SHISA9: variants seen among roughly 807,000 people sequenced by gnomAD.
The protein encoded by SHISA9 is shisa family member 9.
In SHISA9, 13 loss-of-function variants were observed where a neutral mutation model predicts 38.0. That is an observed-to-expected ratio of 0.34 (90% confidence interval 0.22 to 0.54). SHISA9 has a LOEUF of 0.54. Among genes scored for constraint, SHISA9 ranks in the 20% least tolerant of loss-of-function variants. SHISA9 has a pLI of 0.91. For missense variants in SHISA9, 538 were observed against 575.8 expected, an observed-to-expected ratio of 0.93 and a Z score of 0.67; for synonymous variants, 275 against 242.0, an observed-to-expected ratio of 1.14 and a Z score of -1.27.
the SHISA9 span, among the ~76,000 whole-genome samples, chr16:13,265,029 C>T: frequency 1.6e-5 from 2 of 127,436 alleles, no homozygotes; most frequent in African/African-American, 3.0e-5. Context: ...TCCCTCTGCT[C>T]CCCTCTCCTC....
intron 2 of SHISA9, among the ~76,000 whole-genome samples, chr16:13,146,725 C>A (rs1394722212): frequency 6.6e-6 from 1 of 152,160 alleles, no homozygotes; most frequent in Non-Finnish European, 1.5e-5. Context: ...CACATCTTAA[C>A]GTTGTCAGAA....
the SHISA9 span, among the ~76,000 whole-genome samples, chr16:13,447,930 A>T: frequency 6.6e-6 from 1 of 152,232 alleles, no homozygotes; most frequent in Non-Finnish European, 1.5e-5. Context: ...AAAGACATAC[A>T]AAAGTCATTA....
At chr16:12,995,806 G>T (rs1441129617) in intron 2 of SHISA9, among the ~76,000 whole-genome samples, 3 of 152,184 alleles carry the variant, frequency 2.0e-5, no homozygotes, top group Non-Finnish European at 4.4e-5. Context: ...CCATTTAAGT[G>T]CTGCCTATAT....
chr16:13,322,055 T>A, the SHISA9 span, among the ~76,000 whole-genome samples: 3 of 152,270 alleles, frequency 2.0e-5, no homozygotes, highest in Non-Finnish European at 4.4e-5. Context: ...TATGTCTTAC[T>A]AATTACATTA....
Position 12,902,523 on chromosome 16 carries a change from C to G in SHISA9, c.459C>G (p.Ile153Met), listed in dbSNP as rs1250108382. 6.4e-7 allele frequency: 1 copy of G among 1,551,508 alleles called. No homozygotes were observed. The highest frequency in any genetic ancestry group is 8.7e-7 in the Non-Finnish European group (1 of 1,146,988). ...CCACCAAGGACAAGACCAACCTGAT[C>G]GTCTACATCATCTGCGGGGTGGTGG... ...HDPTKDKTNL[I>M]VYIICGVVAV... The change falls in exon 1 of 5, where the codon ATC becomes ATG. Residue 153 changes from isoleucine to methionine, a missense_variant. Ile to Met is a conservative substitution (Grantham distance 10). Around this residue, in one of 4 missense-constraint regions of SHISA9, gnomAD observed 88 missense variants for 109.7 expected, o/e 0.80. Transcript: ENST00000558583.
chr16:12,919,067 T>G (rs2071294788), intron 2 of SHISA9, among the ~76,000 whole-genome samples: 1 of 152,178 alleles, frequency 6.6e-6, no homozygotes, highest in East Asian at 1.9e-4. Flanking sequence ...ATTTGTATGT[T>G]CAGATGAACA....
chr16:13,270,285 C>T, the SHISA9 span, among the ~76,000 whole-genome samples: 20 of 152,100 alleles, frequency 1.3e-4, 1 homozygote, highest in Non-Finnish European at 4.4e-5. Context: ...TAGAATTCTA[C>T]AGACCCAACA....
the SHISA9 span, among the ~76,000 whole-genome samples, chr16:13,483,477 T>C: frequency 6.6e-6 from 1 of 152,146 alleles, no homozygotes; most frequent in Admixed American, 6.6e-5. Flanking sequence ...TTCAGGGTTG[T>C]GGTGTTTTGA....
At chr16:12,917,013 G>A (rs2071267651) in intron 2 of SHISA9, among the ~76,000 whole-genome samples, 198 bp downstream of exon 2, 1 of 152,250 alleles carries the variant, frequency 6.6e-6, no homozygotes, top group Non-Finnish European at 1.5e-5. Context: ...GTTAAATGGC[G>A]ATCCACTTGG....
At chr16:13,387,222 C>T in the SHISA9 span, among the ~76,000 whole-genome samples, 1 of 152,170 alleles carries the variant, frequency 6.6e-6, no homozygotes, top group South Asian at 2.1e-4. Flanking sequence ...GCCCTAATTC[C>T]TAGTACCTCC....
chr16:13,277,691 A>C, the SHISA9 span, among the ~76,000 whole-genome samples: 1 of 151,854 alleles, frequency 6.6e-6, no homozygotes, highest in Admixed American at 6.6e-5. Flanking sequence ...CTATTGTAAA[A>C]GGGGTTGAGT....
chr16:13,406,012 GAA>G, the SHISA9 span, among the ~76,000 whole-genome samples: 2 of 147,014 alleles, frequency 1.4e-5, no homozygotes, highest in Non-Finnish European at 1.5e-5. Flanking sequence ...TAAAGAAAAA[GAA>G]ATTTTCTACA....
At chr16:13,412,509 G>T in the SHISA9 span, among the ~76,000 whole-genome samples, 3 of 150,970 alleles carry the variant, frequency 2.0e-5, no homozygotes, top group East Asian at 5.9e-4. Flanking sequence ...AATAACCACT[G>T]TGCAAGACAC....
At chr16:13,328,452 A>C in the SHISA9 span, among the ~76,000 whole-genome samples, 1 of 141,498 alleles carries the variant, frequency 7.1e-6, no homozygotes, top group Admixed American at 7.3e-5. Context: ...TACTCTTGTC[A>C]CCCAGGCTGG....
At chr16:13,416,002 T>C in the SHISA9 span, among the ~76,000 whole-genome samples, 1 of 152,162 alleles carries the variant, frequency 6.6e-6, no homozygotes, top group African/African-American at 2.4e-5. Flanking sequence ...ATAAGTGAGG[T>C]GCTTTCGTGG....
intron 1 of SHISA9, among the ~76,000 whole-genome samples, chr16:12,914,046 CTTT>C (rs61679035): frequency 0.058 from 7,161 of 124,108 alleles, 584 homozygotes; most frequent in African/African-American, 0.2. Context: ...GTTTGTTTTT[CTTT>C]TTTTTTTTTT....
the SHISA9 span, among the ~76,000 whole-genome samples, chr16:13,246,593 G>T: frequency 5.4e-3 from 819 of 152,234 alleles, 9 homozygotes; most frequent in African/African-American, 0.019. Context: ...ACTGGGTTAG[G>T]CACTGTAAAA....
the SHISA9 span, among the ~76,000 whole-genome samples, chr16:13,472,687 C>T: frequency 9.9e-5 from 15 of 152,024 alleles, no homozygotes; most frequent in East Asian, 3.9e-4. Context: ...CCACAATGCC[C>T]GGCCTCTGCT....
intron 3 of SHISA9, among the ~76,000 whole-genome samples, chr16:13,208,754 C>G (rs986645020): frequency 1.3e-5 from 2 of 152,188 alleles, no homozygotes; most frequent in African/African-American, 4.8e-5. Flanking sequence ...CATTCATTCT[C>G]CAAACATTAA....
Sources: allele counts gnomAD v4.1 joint callset (sites outside exome capture counted in the v4.1 genomes callset), GRCh38; gene constraint gnomAD v4.1.1; regional missense constraint gnomAD v4.1.1; transcripts MANE v1.5; gene names NCBI Gene and HGNC (gene_info 2026-07-23, HGNC 2026-07-21).